COL15A1: variants seen among roughly 807,000 people sequenced by gnomAD.
COL15A1 encodes collagen type XV alpha 1 chain.
A neutral mutation model predicts 165.9 loss-of-function variants in COL15A1; 111 were observed. That is an observed-to-expected ratio of 0.67 (90% CI 0.57 to 0.78). The LOEUF (loss-of-function observed/expected upper bound fraction) is 0.78, where lower values mean the gene tolerates loss of function less well. Among genes scored for constraint, COL15A1 ranks in the 30% least tolerant of loss-of-function variants. The pLI is 0.00. For missense variants in COL15A1, 1,745 were observed against 1,789.7 expected (o/e 0.98, Z 0.45); for synonymous variants, 659 against 674.8 (o/e 0.98, Z 0.36).
Position 99,034,552 on chromosome 9 carries a change from G to A in COL15A1, c.2047G>A (p.Ala683Thr), listed in dbSNP as rs1839261881. Residue 683 changes from alanine to threonine, a missense_variant, in exon 17 of 42, where the codon GCA (alanine) becomes ACA (threonine). Ala to Thr is a moderately conservative substitution (Grantham distance 58, BLOSUM62 0). Transcript: ENST00000375001. ...TTTTTGTTTTTGTTTTTTTCAGGGA[G>A]CAAGAGGGCCTAATGGCTCAGTTGG... Reference protein sequence around the residue: ...GLPGMKGEKGARGPNGSVGEK... With the variant: ...GLPGMKGEKGTRGPNGSVGEK... The A allele has an allele frequency of 1.3e-6, 2 of 1,497,934 alleles. No individual in the cohort carries two copies. The highest frequency in any genetic ancestry group is 2.1e-5 in the Admixed American group (1 of 47,132). 92.8% of individuals were successfully genotyped at this position (1,497,934 alleles called of 1,614,324 possible). A position where few individuals can be genotyped will look rare whatever the true frequency, so the allele number is the denominator to read the frequency against.
At chr9:98,960,473 A>G (rs1837848147) in intron 2 of COL15A1, among the ~76,000 whole-genome samples, 2 of 152,150 alleles carry the variant, frequency 1.3e-5, no homozygotes, top group Admixed American at 6.5e-5. Context: ...ACAACATCAG[A>G]TCTAGACCCA....
At chr9:98,968,984 C>T (rs1837999990) in intron 2 of COL15A1, among the ~76,000 whole-genome samples, 2 of 152,190 alleles carry the variant, frequency 1.3e-5, no homozygotes, top group Admixed American at 1.3e-4. Flanking sequence ...AACGCCAATC[C>T]CAGCCCCCCA....
chr9:99,024,289 T>G (rs530209576), intron 14 of COL15A1, among the ~76,000 whole-genome samples: 1 of 145,694 alleles, frequency 6.9e-6, no homozygotes, highest in African/African-American at 2.6e-5. Context: ...TTTTTTGTTT[T>G]TTTTTTTTTG....
chr9:98,968,320 A>G (rs1046838926), intron 2 of COL15A1, among the ~76,000 whole-genome samples: 1 of 152,240 alleles, frequency 6.6e-6, no homozygotes, highest in Non-Finnish European at 1.5e-5. Context: ...TGAGTGGCTT[A>G]AAACAGTAGT....
At chr9:99,008,744 G>A (rs891050063) in intron 9 of COL15A1, among the ~76,000 whole-genome samples, 2 of 152,064 alleles carry the variant, frequency 1.3e-5, no homozygotes, top group African/African-American at 4.8e-5. Flanking sequence ...CAAGTAGCTG[G>A]GATTACAGGC....
At chr9:98,966,203 C>G (rs1837953602) in intron 2 of COL15A1, among the ~76,000 whole-genome samples, 1 of 152,186 alleles carries the variant, frequency 6.6e-6, no homozygotes. Context: ...TTCATTGACC[C>G]CATAGTATCA....
chr9:99,021,957 T>C (rs1839035314), intron 12 of COL15A1, 134 bp from the exon 13 acceptor site: 1 of 1,212,534 alleles, frequency 8.2e-7, no homozygotes, highest in Non-Finnish European at 1.2e-6. Context: ...CCTTAAGCTG[T>C]CTCTGCAAAG....
rs1004438243 is a variant in COL15A1, at chr9:98,943,957, A to G, written c.-105A>G. 3 of 1,511,338 alleles carry G rather than the reference A, an allele frequency of 2.0e-6. No individual in the cohort carries two copies. The highest frequency in any genetic ancestry group is 2.7e-6 in the Non-Finnish European group (3 of 1,108,640). 93.6% of individuals were successfully genotyped at this position (1,511,338 alleles called of 1,614,324 possible). A position where few individuals can be genotyped will look rare whatever the true frequency, so the allele number is the denominator to read the frequency against. On this transcript the variant is annotated 5_prime_UTR_variant, in exon 1 of 42. Transcript: ENST00000375001. ...AGCGCCGCCTTTGTTCCCTGCAGGA[A>G]GGGCGAGCGCGGCGGCCAGCGCTCA...
At chr9:99,036,819 T>C (rs1839310138) in intron 21 of COL15A1, among the ~76,000 whole-genome samples, 1 of 152,176 alleles carries the variant, frequency 6.6e-6, no homozygotes, top group African/African-American at 2.4e-5. Context: ...GAGCCACATG[T>C]TCCTGCCAAT....
intron 6 of COL15A1, among the ~76,000 whole-genome samples, chr9:99,000,470 A>C (rs1838631054): frequency 6.6e-6 from 1 of 152,168 alleles, no homozygotes; most frequent in Admixed American, 6.5e-5. Context: ...ATCAACAATG[A>C]ACATTTATCA....
chr9:98,989,372 T>C, intron 5 of COL15A1, 114 bp downstream of exon 5: 1 of 829,880 alleles, frequency 1.2e-6, no homozygotes, highest in Non-Finnish European at 1.9e-6. Context: ...ACCTGTGAGC[T>C]TAATCGTTGA....
chr9:99,070,466 T>G lies in COL15A1; in HGVS notation c.*580T>G. The stretch of plus-strand genomic sequence containing the variant: ...ATTATTGCCATCATGCTTTAGGAAT[T>G]TTATATTTTTACACAATCATATTTT... On this transcript the variant is annotated 3_prime_UTR_variant, in exon 42 of 42. Transcript: ENST00000375001. 1 of 260,554 alleles carries G rather than the reference T, an allele frequency of 3.8e-6. No individual in the cohort carries two copies. The highest frequency in any genetic ancestry group is 7.8e-6 in the Non-Finnish European group (1 of 128,908). The allele number at this position is 260,554 out of a possible 1,614,324, so 16.1% of individuals were successfully genotyped here.
At chr9:98,983,150 A>T (rs544661149) in intron 2 of COL15A1, among the ~76,000 whole-genome samples, 3 of 152,228 alleles carry the variant, frequency 2.0e-5, no homozygotes, top group African/African-American at 4.8e-5. Flanking sequence ...GATATTCCAT[A>T]ATAATTGAGG....
intron 30 of COL15A1, among the ~76,000 whole-genome samples, chr9:99,050,813 A>T (rs1839575100): frequency 6.6e-6 from 1 of 152,192 alleles, no homozygotes; most frequent in Non-Finnish European, 1.5e-5. Flanking sequence ...GTTGGAGGTG[A>T]TGTTAAGGCT....
chr9:98,958,041 C>T (rs1837805790), intron 2 of COL15A1, among the ~76,000 whole-genome samples: 1 of 152,192 alleles, frequency 6.6e-6, no homozygotes, highest in Non-Finnish European at 1.5e-5. Context: ...CAGTGGAACC[C>T]TGTTACGTTC....
At chr9:98,946,311 A>C (rs1361902474) in intron 2 of COL15A1, among the ~76,000 whole-genome samples, 1 of 152,170 alleles carries the variant, frequency 6.6e-6, no homozygotes, top group East Asian at 1.9e-4. Flanking sequence ...TTTGAACCAG[A>C]CAGTCTGACT....
chr9:99,066,808 G>A (rs1200259467), intron 39 of COL15A1, 74 bp from the exon 40 acceptor site: 3 of 1,371,914 alleles, frequency 2.2e-6, no homozygotes, highest in Non-Finnish European at 2.0e-6. Context: ...AATCTTTGCA[G>A]GAATGTGAGA....
intron 9 of COL15A1, among the ~76,000 whole-genome samples, chr9:99,005,444 C>T (rs1278473126): frequency 6.6e-6 from 1 of 152,114 alleles, no homozygotes; most frequent in Non-Finnish European, 1.5e-5. Flanking sequence ...GCCCTCTCCT[C>T]GTGCAGCGCA....
chr9:99,007,671 C>T (rs1441072316), intron 9 of COL15A1, among the ~76,000 whole-genome samples: 2 of 152,154 alleles, frequency 1.3e-5, no homozygotes, highest in African/African-American at 4.8e-5. Context: ...GAAGTCCATA[C>T]ATCAGTAGGC....
Sources: allele counts gnomAD v4.1 joint callset (sites outside exome capture counted in the v4.1 genomes callset), GRCh38; gene constraint gnomAD v4.1.1; transcripts MANE v1.5; gene names NCBI Gene and HGNC (gene_info 2026-07-23, HGNC 2026-07-21).